Variants in DTNA observed in about 807,000 individuals in gnomAD.
DTNA encodes dystrophin-related protein 3.
DTNA carries 43 observed loss-of-function variants against 100.7 expected under a neutral mutation model. That is an observed-to-expected ratio of 0.43 (90% confidence interval 0.33 to 0.55). The LOEUF (loss-of-function observed/expected upper bound fraction) is 0.55, where lower values mean the gene tolerates loss of function less well. Ranked by LOEUF, DTNA falls within the 20% of genes least tolerant of loss-of-function variation. The probability of loss-of-function intolerance (pLI) is 0.04; values close to 1 mark genes in which losing one functional copy is unlikely to be tolerated. For missense variants in DTNA, 798 were observed against 953.9 expected, an observed-to-expected ratio of 0.84 and a Z score of 2.15; for synonymous variants, 349 against 347.9, an observed-to-expected ratio of 1.00 and a Z score of -0.04.
intron 16 of DTNA, among the ~76,000 whole-genome samples, chr18:34,859,256 T>G (rs2096588370): frequency 6.6e-6 from 1 of 152,150 alleles, no homozygotes; most frequent in Non-Finnish European, 1.5e-5. Flanking sequence ...GTCTTGGCAT[T>G]TTGAATAAAG....
At chr18:34,768,062 A>G (rs1345998171) in intron 3 of DTNA, among the ~76,000 whole-genome samples, 1 of 152,170 alleles carries the variant, frequency 6.6e-6, no homozygotes, top group Non-Finnish European at 1.5e-5. Context: ...CTTCAAACAC[A>G]TCACCCAGAT....
At chr18:34,821,111 A>T (rs1487360105) in intron 9 of DTNA, 196 bp downstream of exon 9, 1 of 753,972 alleles carries the variant, frequency 1.3e-6, no homozygotes, top group Non-Finnish European at 2.3e-6. Flanking sequence ...CTGGACAAGT[A>T]AAGTATGCAA....
intron 1 of DTNA, among the ~76,000 whole-genome samples, chr18:34,584,483 A>C (rs921273150): frequency 6.6e-6 from 1 of 152,220 alleles, no homozygotes; most frequent in Non-Finnish European, 1.5e-5. Context: ...CTTAAAAATT[A>C]AAAATGTTAG....
intron 1 of DTNA, among the ~76,000 whole-genome samples, chr18:34,674,089 T>C (rs1485498293): frequency 1.3e-5 from 2 of 152,210 alleles, no homozygotes; most frequent in Non-Finnish European, 2.9e-5. Context: ...ATTTCCCTGA[T>C]TATTAGTCCA....
At chr18:34,625,957 T>C (rs539018763) in intron 1 of DTNA, among the ~76,000 whole-genome samples, 11 of 152,104 alleles carry the variant, frequency 7.2e-5, no homozygotes, top group Non-Finnish European at 1.2e-4. Flanking sequence ...TTGCATTAAG[T>C]GTAGGATGGG....
At chr18:34,567,687 A>T (rs1393208764) in intron 1 of DTNA, among the ~76,000 whole-genome samples, 1 of 152,210 alleles carries the variant, frequency 6.6e-6, no homozygotes, top group African/African-American at 2.4e-5. Flanking sequence ...GATCTTAAAA[A>T]AAAATTTTAC....
intron 1 of DTNA, among the ~76,000 whole-genome samples, chr18:34,711,957 T>G (rs2082984216): frequency 6.6e-6 from 1 of 152,166 alleles, no homozygotes; most frequent in African/African-American, 2.4e-5. Context: ...AAATGAGCTA[T>G]GACCATGTCT....
intron 1 of DTNA, among the ~76,000 whole-genome samples, chr18:34,746,288 T>C (rs1382035746): frequency 6.6e-6 from 1 of 152,084 alleles, no homozygotes; most frequent in Non-Finnish European, 1.5e-5. Flanking sequence ...GAAACAGATA[T>C]ATTTTCATGA....
At chr18:34,781,218 C>T (rs2094304875) in intron 3 of DTNA, among the ~76,000 whole-genome samples, 1 of 152,132 alleles carries the variant, frequency 6.6e-6, no homozygotes, top group Non-Finnish European at 1.5e-5. Flanking sequence ...CAGGGTTCTT[C>T]ATCACTATTT....
chr18:34,506,765 G>T (rs1237448918), intron 1 of DTNA, among the ~76,000 whole-genome samples: 1 of 152,096 alleles, frequency 6.6e-6, no homozygotes, highest in Non-Finnish European at 1.5e-5. Context: ...TGAGCTCTGA[G>T]GTCCCCTAGC....
At chr18:34,553,762 A>G (rs1239549824) in intron 1 of DTNA, among the ~76,000 whole-genome samples, 1 of 152,152 alleles carries the variant, frequency 6.6e-6, no homozygotes. Context: ...TACCAGTACC[A>G]TGCTGTTTTG....
chr18:34,725,421 T>G (rs568877695), intron 1 of DTNA, among the ~76,000 whole-genome samples: 3 of 149,044 alleles, frequency 2.0e-5, no homozygotes, highest in Non-Finnish European at 4.5e-5. Flanking sequence ...AACAACCCCA[T>G]CAAAAAGTGG....
chr18:34,667,819 G>A (rs1251219725), intron 1 of DTNA, among the ~76,000 whole-genome samples: 2 of 152,110 alleles, frequency 1.3e-5, no homozygotes, highest in East Asian at 3.8e-4. Flanking sequence ...TGCTGGATTT[G>A]GTTTGCCAGT....
intron 1 of DTNA, among the ~76,000 whole-genome samples, chr18:34,541,115 T>G (rs1161648259): frequency 3.3e-5 from 5 of 152,026 alleles, no homozygotes; most frequent in African/African-American, 1.2e-4. Flanking sequence ...CTGTAAAATG[T>G]TAATCCTTTT....
At chr18:34,766,160 C>T in intron 3 of DTNA, 119 bp downstream of exon 3, 1 of 1,197,186 alleles carries the variant, frequency 8.4e-7, no homozygotes, top group Non-Finnish European at 1.2e-6. Flanking sequence ...TATATGTTTA[C>T]ACAACAATAA....
intron 2 of DTNA, among the ~76,000 whole-genome samples, chr18:34,762,964 C>G (rs1441511033): frequency 6.6e-6 from 1 of 152,100 alleles, no homozygotes; most frequent in Non-Finnish European, 1.5e-5. Flanking sequence ...GCACCTTTGC[C>G]GTATTTCCCC....
intron 5 of DTNA, 127 bp downstream of exon 5, chr18:34,806,431 A>G (rs1249077294): frequency 5.1e-6 from 4 of 786,872 alleles, no homozygotes; most frequent in African/African-American, 3.4e-5. Context: ...TGTTTGAAAT[A>G]CATTTTTCAC....
At chr18:34,526,353 G>A (rs978458726) in intron 1 of DTNA, among the ~76,000 whole-genome samples, 3 of 151,912 alleles carry the variant, frequency 2.0e-5, no homozygotes, top group African/African-American at 7.3e-5. Context: ...TTAGGAGTAG[G>A]GATTCTAGAC....
At position 34,888,449 on chromosome 18, in the gene DTNA, C is replaced by A. The variant is rs1603369839; in HGVS notation, c.*715C>A. On this transcript the variant is annotated 3_prime_UTR_variant, in exon 23 of 23. Transcript: ENST00000444659. ...TTGAACCAAACACACCAGGAATAAT[C>A]CATTCTTTGGGGCCTCTTTCCAACT... 1 of 985,828 alleles carries A rather than the reference C, an allele frequency of 1.0e-6. No homozygotes were observed. Among genetic ancestry groups the A allele is most frequent in the South Asian group, 4.7e-5 (1 of 21,286 alleles). 61.1% of individuals were successfully genotyped at this position (985,828 alleles called of 1,614,324 possible).
Sources: allele counts gnomAD v4.1 joint callset (sites outside exome capture counted in the v4.1 genomes callset), GRCh38; gene constraint gnomAD v4.1.1; transcripts MANE v1.5; gene names NCBI Gene and HGNC (gene_info 2026-07-23, HGNC 2026-07-21).